RAD51B: variants seen among roughly 807,000 people sequenced by gnomAD.
RAD51B encodes DNA repair protein RAD51 homolog 2.
A neutral mutation model predicts 42.2 loss-of-function variants in RAD51B; 38 were observed. The ratio of observed to expected loss-of-function variants is 0.90; its 90% CI spans 0.70 to 1.18. RAD51B has a LOEUF of 1.18. RAD51B is among the 50% of genes most tolerant of loss of function. RAD51B has a pLI of 0.00. For missense variants in RAD51B, 373 were observed against 400.7 expected (o/e 0.93, Z 0.59); for synonymous variants, 154 against 145.2 (o/e 1.06, Z -0.43).
At chr14:67,948,884 A>T (rs762392331) in intron 7 of RAD51B, among the ~76,000 whole-genome samples, 1 of 140,796 alleles carries the variant, frequency 7.1e-6, no homozygotes, top group Non-Finnish European at 1.5e-5. Context: ...GTGAGCTGAG[A>T]TCACGCCGCT....
intron 7 of RAD51B, among the ~76,000 whole-genome samples, chr14:68,260,026 T>C (rs1198843136): frequency 6.6e-6 from 1 of 151,606 alleles, no homozygotes; most frequent in Non-Finnish European, 1.5e-5. Context: ...TATTTTCGAG[T>C]GGTGATATAT....
chr14:68,023,483 G>A (rs2075902598), intron 7 of RAD51B, among the ~76,000 whole-genome samples: 1 of 151,998 alleles, frequency 6.6e-6, no homozygotes, highest in Admixed American at 6.6e-5. Context: ...TGCGCCATGA[G>A]GCCTGGCTAA....
rs909813293 is a variant in RAD51B, at chr14:68,415,098, A to G, written c.957+3571A>G. 1.3e-4 allele frequency among the ~76,000 whole-genome samples: 20 copies of G among 150,904 alleles called. 1 individual carries two copies. The South Asian group carries it at 4.2e-3, about 32-fold the overall frequency. On this transcript the variant is annotated intron_variant, in intron 9 of 10. Coordinates refer to ENST00000471583, the MANE Select transcript of RAD51B (RefSeq NM_133510.4). The stretch of plus-strand genomic sequence containing the variant: ...AACCTGGCTGCACTTAAGGCTCATC[A>G]CAGGAGCATTTATACCAATGCCAAT...
At chr14:68,597,359 G>A (rs1891041989), downstream of RAD51B, among the ~76,000 whole-genome samples, 5 of 152,140 alleles carry the variant, frequency 3.3e-5, no homozygotes, top group Admixed American at 3.3e-4. Flanking sequence ...ATAGAGAGTA[G>A]GGAAGGAAGG....
intron 10 of RAD51B, among the ~76,000 whole-genome samples, chr14:68,644,669 C>A (rs183327881): frequency 1.8e-4 from 27 of 152,280 alleles, no homozygotes; most frequent in Non-Finnish European, 3.2e-4. Flanking sequence ...TCAATCTCCC[C>A]TCACAGATTA....
intron 8 of RAD51B, among the ~76,000 whole-genome samples, chr14:68,372,223 T>G (rs887035733): frequency 6.6e-6 from 1 of 152,064 alleles, no homozygotes; most frequent in Non-Finnish European, 1.5e-5. Context: ...GTGATTTCAG[T>G]AGAGTGTAGG....
chr14:68,258,238 C>T (rs934857223), intron 7 of RAD51B, among the ~76,000 whole-genome samples: 1 of 151,946 alleles, frequency 6.6e-6, no homozygotes, highest in Non-Finnish European at 1.5e-5. Flanking sequence ...CCTGTCACCA[C>T]GAACAGTAAA....
rs147519076 is a variant in RAD51B at position 68,290,892 on chromosome 14, G to A, written c.757-992G>A. On this transcript the variant is annotated intron_variant, in intron 7 of 10. Transcript: ENST00000471583. ...CACGATCTAAGCTCACTGCAACCTC[G>A]GCCTGCCGGGTTCAAGCAATTCTCC... Among the ~76,000 whole-genome samples, 442 of 151,748 alleles carry A rather than the reference G, an allele frequency of 2.9e-3. 12 individuals carry two copies. The East Asian group carries it at 0.049, about 17-fold the overall frequency.
intron 3 of RAD51B, among the ~76,000 whole-genome samples, chr14:67,831,157 G>A (rs1382409660): frequency 6.6e-6 from 1 of 152,112 alleles, no homozygotes; most frequent in Non-Finnish European, 1.5e-5. Context: ...TTACAGGCGT[G>A]AACCACCGCC....
chr14:68,294,860 G>A (rs1285214580), intron 8 of RAD51B, among the ~76,000 whole-genome samples: 1 of 152,098 alleles, frequency 6.6e-6, no homozygotes, highest in South Asian at 2.1e-4. Context: ...GTCACTCTGG[G>A]GACACTTCTG....
chr14:67,902,022 T>G (rs955337308), intron 7 of RAD51B, among the ~76,000 whole-genome samples: 1 of 152,090 alleles, frequency 6.6e-6, no homozygotes, highest in Non-Finnish European at 1.5e-5. Context: ...TGTAACAAAA[T>G]TACACTGTAT....
At chr14:68,294,833 C>A (rs914940421) in intron 8 of RAD51B, among the ~76,000 whole-genome samples, 3 of 152,196 alleles carry the variant, frequency 2.0e-5, no homozygotes, top group Non-Finnish European at 2.9e-5. Flanking sequence ...CCTTTCCTCC[C>A]TGTATGTTTT....
intron 8 of RAD51B, among the ~76,000 whole-genome samples, chr14:68,398,454 C>T (rs1043714388): frequency 6.6e-6 from 1 of 152,048 alleles, no homozygotes; most frequent in Non-Finnish European, 1.5e-5. Context: ...TGTCTTGAAG[C>T]AATGCAGGTC....
chr14:67,996,887 G>A (rs768576338), intron 7 of RAD51B, among the ~76,000 whole-genome samples: 9 of 152,214 alleles, frequency 5.9e-5, no homozygotes, highest in Non-Finnish European at 1.3e-4. Flanking sequence ...TGGAGGCAGT[G>A]AGCTGTGGAT....
chr14:68,051,776 G>T (rs986605313), intron 7 of RAD51B, among the ~76,000 whole-genome samples: 32 of 151,710 alleles, frequency 2.1e-4, no homozygotes, highest in African/African-American at 7.3e-4. Flanking sequence ...TTTTTTTCAT[G>T]TAATTTTGTA....
Position 68,221,960 on chromosome 14 carries a change from AG to A in RAD51B, c.757-69921del, listed in dbSNP as rs751520552. Among the ~76,000 whole-genome samples the A allele has an allele frequency of 4.6e-5, 7 of 152,380 alleles. No homozygotes were observed. In the South Asian group the frequency reaches 6.2e-4, roughly 14 times the overall value. On this transcript the variant is annotated intron_variant, in intron 7 of 10. Coordinates refer to ENST00000471583, the MANE Select transcript of RAD51B (RefSeq NM_133510.4). ...AAAATGCTCAACACCACTAATTATC[AG>A]GGAAATGCAAATCAAAACCACGACG...
intron 7 of RAD51B, among the ~76,000 whole-genome samples, chr14:67,993,419 C>T (rs2075329467): frequency 6.6e-6 from 1 of 152,124 alleles, no homozygotes; most frequent in South Asian, 2.1e-4. Flanking sequence ...TTTTTAGCTC[C>T]CACAAACAAC....
At chr14:68,151,226 T>C (rs1361658255) in intron 7 of RAD51B, among the ~76,000 whole-genome samples, 1 of 151,894 alleles carries the variant, frequency 6.6e-6, no homozygotes, top group African/African-American at 2.4e-5. Context: ...TTTGTAGTTA[T>C]TGCTTTATTG....
intron 7 of RAD51B, among the ~76,000 whole-genome samples, chr14:68,050,549 G>C (rs2076375634): frequency 6.6e-6 from 1 of 152,144 alleles, no homozygotes; most frequent in Non-Finnish European, 1.5e-5. Context: ...ACTGTGAGTA[G>C]TCCACCATCA....
Sources: allele counts gnomAD v4.1 joint callset (sites outside exome capture counted in the v4.1 genomes callset), GRCh38; gene constraint gnomAD v4.1.1; transcripts MANE v1.5; gene names NCBI Gene and HGNC (gene_info 2026-07-23, HGNC 2026-07-21).